Variants in PRKG1 observed in about 807,000 individuals in gnomAD.
PRKG1 encodes the protein protein kinase cGMP-dependent 1, also known as cGMP-dependent protein kinase 1.
A neutral mutation model predicts 88.1 loss-of-function variants in PRKG1; 35 were observed. The observed-to-expected ratio is 0.40, with a 90% CI of 0.30 to 0.53. The LOEUF (loss-of-function observed/expected upper bound fraction) is 0.53. PRKG1 is among the 20% of genes least tolerant of loss of function. PRKG1 has a pLI of 0.59. For synonymous variants in PRKG1, 303 were observed against 292.5 expected (o/e 1.04, Z -0.37); for missense variants, 540 against 839.8 (o/e 0.64, Z 4.41).
intron 7 of PRKG1, among the ~76,000 whole-genome samples, chr10:52,103,896 A>G (rs575293883): frequency 2.1e-4 from 32 of 151,640 alleles, no homozygotes; most frequent in Non-Finnish European, 4.0e-4. Flanking sequence ...TATATATCCT[A>G]TTAGATATTT....
intron 1 of PRKG1, among the ~76,000 whole-genome samples, chr10:51,045,492 CT>C (rs767449419): frequency 1.1e-4 from 17 of 151,924 alleles, no homozygotes; most frequent in Non-Finnish European, 2.1e-4. Flanking sequence ...CCAGCTAATT[CT>C]TTTTGTATTT....
At chr10:51,379,122 A>G (rs752513647) in intron 2 of PRKG1, among the ~76,000 whole-genome samples, 4 of 152,188 alleles carry the variant, frequency 2.6e-5, no homozygotes, top group Admixed American at 6.5e-5. Context: ...ATCCTTATTT[A>G]TTAAATGGGG....
At chr10:52,174,912 G>C (rs1357464799) in intron 9 of PRKG1, among the ~76,000 whole-genome samples, 1 of 151,890 alleles carries the variant, frequency 6.6e-6, no homozygotes, top group Non-Finnish European at 1.5e-5. Context: ...GGTATATAAT[G>C]ATGTTCCAAT....
Position 52,007,840 on chromosome 10 carries a change from G to T in PRKG1, c.763-46644G>T, listed in dbSNP as rs1278670501. ...GAATATACATTCTTTTCATCACATG[G>T]TACATATTCTAAAATGGTACACACT... is the stretch of plus-strand genomic sequence containing the variant. On this transcript the variant is annotated intron_variant, in intron 5 of 17. Coordinates refer to ENST00000373980, the MANE Select transcript of PRKG1 (RefSeq NM_006258.4). Among the ~76,000 whole-genome samples the T allele has an allele frequency of 3.9e-5, 6 of 152,038 alleles. 1 individual carries two copies. The highest frequency in any genetic ancestry group is 1.3e-4 in the Admixed American group (2 of 15,260).
chr10:51,016,673 C>CTTCTTTCTTTTTTTTTTTT (rs1564571435), intron 1 of PRKG1, among the ~76,000 whole-genome samples: 6 of 35,184 alleles, frequency 1.7e-4, no homozygotes, highest in African/African-American at 4.2e-4. Flanking sequence ...ATTATCCTTT[C>CTTCTTTCTTTTTTTTTTTT]TTTTTTTTTT....
chr10:51,803,825 A>T (rs1385669644), intron 3 of PRKG1, among the ~76,000 whole-genome samples: 1 of 152,148 alleles, frequency 6.6e-6, no homozygotes, highest in African/African-American at 2.4e-5. Context: ...CATCACACCA[A>T]TGTAATAACC....
At chr10:52,057,183 T>A (rs1846131000) in intron 6 of PRKG1, among the ~76,000 whole-genome samples, 1 of 152,176 alleles carries the variant, frequency 6.6e-6, no homozygotes, top group Non-Finnish European at 1.5e-5. Context: ...ACAAATGAAA[T>A]TCCCCTTGTT....
At position 51,430,231 on chromosome 10, in the gene PRKG1, A is replaced by T. The variant is rs574533035; in HGVS notation, c.479-37492A>T. On this transcript the variant is annotated intron_variant, in intron 2 of 17. Coordinates refer to ENST00000373980, the MANE Select transcript of PRKG1 (RefSeq NM_006258.4). ...AGGAGTCAAGACCAGCCTGGGCAAC[A>T]TAGCAAGATCTCGTCTCTACAAAAA... is the stretch of plus-strand genomic sequence containing the variant. Among the ~76,000 whole-genome samples, 7 of 152,170 alleles carry T rather than the reference A, an allele frequency of 4.6e-5. No homozygotes were observed. The South Asian group carries it at 1.5e-3, about 32-fold the overall frequency.
chr10:51,996,213 G>A (rs888241410), intron 5 of PRKG1, among the ~76,000 whole-genome samples: 1 of 147,480 alleles, frequency 6.8e-6, no homozygotes. Flanking sequence ...TACTCAGGAG[G>A]CTTTGACAGG....
At chr10:51,094,775 G>A (rs767941279) in intron 1 of PRKG1, among the ~76,000 whole-genome samples, 7 of 152,148 alleles carry the variant, frequency 4.6e-5, no homozygotes, top group Non-Finnish European at 1.0e-4. Flanking sequence ...AACGTACAAA[G>A]CTTTGGTGTT....
intron 3 of PRKG1, among the ~76,000 whole-genome samples, chr10:51,637,379 A>G (rs374853156): frequency 3.9e-4 from 60 of 152,356 alleles, no homozygotes; most frequent in African/African-American, 1.4e-3. Context: ...AAAGACCTAG[A>G]GGCAGAAATA....
intron 9 of PRKG1, among the ~76,000 whole-genome samples, chr10:52,245,930 A>C (rs1841012321): frequency 6.6e-6 from 1 of 152,070 alleles, no homozygotes; most frequent in Admixed American, 6.6e-5. Context: ...AACTATAGTT[A>C]TGTTCCTTTT....
chr10:51,501,674 C>T (rs1702432920), intron 3 of PRKG1, among the ~76,000 whole-genome samples: 1 of 151,936 alleles, frequency 6.6e-6, no homozygotes, highest in Admixed American at 6.6e-5. Flanking sequence ...GGCAAAAGGG[C>T]TTGGCATTCC....
chr10:51,958,339 A>G (rs1426395225), intron 5 of PRKG1, among the ~76,000 whole-genome samples: 2 of 152,190 alleles, frequency 1.3e-5, no homozygotes, highest in Non-Finnish European at 2.9e-5. Flanking sequence ...AAGCAAGGAA[A>G]GGAACAAAAA....
chr10:51,382,041 G>A (rs373110288), intron 2 of PRKG1, among the ~76,000 whole-genome samples: 2 of 152,036 alleles, frequency 1.3e-5, no homozygotes, highest in South Asian at 4.1e-4. Flanking sequence ...TTTCTCCCCC[G>A]AATGTTCTCT....
intron 9 of PRKG1, among the ~76,000 whole-genome samples, chr10:52,228,466 C>T (rs1023719306): frequency 6.6e-6 from 1 of 151,978 alleles, no homozygotes; most frequent in Non-Finnish European, 1.5e-5. Context: ...TCCATTCATC[C>T]CCACTGGGTA....
chr10:51,680,503 C>G (rs1840825399), intron 3 of PRKG1, among the ~76,000 whole-genome samples: 2 of 152,234 alleles, frequency 1.3e-5, no homozygotes, highest in African/African-American at 4.8e-5. Flanking sequence ...ACACTCAAGG[C>G]CTGCCTTCTG....
chr10:52,141,313 A>G (rs1305558164), intron 8 of PRKG1, among the ~76,000 whole-genome samples: 2 of 152,182 alleles, frequency 1.3e-5, no homozygotes, highest in African/African-American at 4.8e-5. Context: ...AAAGGAGTAT[A>G]CCCTGAGACA....
At chr10:51,684,716 A>C (rs958227774) in intron 3 of PRKG1, among the ~76,000 whole-genome samples, 5 of 151,920 alleles carry the variant, frequency 3.3e-5, no homozygotes, top group African/African-American at 9.7e-5. Context: ...AAATACAAAA[A>C]CTTAGCTGGG....
Sources: gnomAD v4.1 joint callset for allele counts (sites outside exome capture counted in the v4.1 genomes callset) on GRCh38, gnomAD v4.1.1 for gene constraint, MANE v1.5 for transcripts, NCBI Gene and HGNC (gene_info 2026-07-23, HGNC 2026-07-21) for gene names.